BRD3OS: variants seen among roughly 807,000 people sequenced by gnomAD.
The protein encoded by BRD3OS is BRD3 opposite strand, also known as uncharacterized protein BRD3OS.
chr9:134,029,262 C>T lies in BRD3OS; in HGVS notation c.*2260C>T, dbSNP rs3739932. 12,228 of 152,258 alleles carry T rather than the reference C, an allele frequency of 0.08. 548 individuals carry two copies. The highest frequency in any genetic ancestry group is 0.11 in the African/African-American group (4,397 of 41,518). 9.4% of individuals were successfully genotyped at this position (152,258 alleles called of 1,614,324 possible). On this transcript the variant is annotated 3_prime_UTR_variant, in exon 3 of 3. Transcript: ENST00000603928. Reference sequence around the variant, plus strand: ...GAGGACGGGTTGTGGCGGGGTTGGCCCCAAGCATGGGAGGCAGCGCAGACA... The same window carrying T: ...GAGGACGGGTTGTGGCGGGGTTGGCTCCAAGCATGGGAGGCAGCGCAGACA...
Position 134,030,414 on chromosome 9 carries a change from T to G in BRD3OS, c.*3412T>G, listed in dbSNP as rs1459406684. 1 of 190,278 alleles carries G rather than the reference T, an allele frequency of 5.3e-6. No homozygotes were observed. The highest frequency in any genetic ancestry group is 2.3e-5 in the African/African-American group (1 of 42,754). 11.8% of individuals were successfully genotyped at this position (190,278 alleles called of 1,614,324 possible). A position where few individuals can be genotyped will look rare whatever the true frequency, so the allele number is the denominator to read the frequency against. ...AAAGAGTACTTTCTACCATTTTTATTCTGTTGTGTTGAGGCCAGCATTGCA... is the reference window on the plus strand; with the variant it reads ...AAAGAGTACTTTCTACCATTTTTATGCTGTTGTGTTGAGGCCAGCATTGCA... On this transcript the variant is annotated 3_prime_UTR_variant, in exon 3 of 3. Transcript: ENST00000603928.
rs60558736 is a variant in BRD3OS at position 134,030,304 on chromosome 9, C to CTTTTT, written c.*3319_*3323dup. 1 of 78,090 alleles carries CTTTTT rather than the reference C, an allele frequency of 1.3e-5. No homozygotes were observed. Among genetic ancestry groups the CTTTTT allele is most frequent in the Non-Finnish European group, 2.2e-5 (1 of 44,712 alleles). The allele number at this position is 78,090 out of a possible 1,614,324, so 4.8% of individuals were successfully genotyped here. On this transcript the variant is annotated 3_prime_UTR_variant, in exon 3 of 3. Transcript: ENST00000603928. The stretch of plus-strand genomic sequence containing the variant: ...GGAAAATGCAAAAAAAAAAAACAGT[C>CTTTTT]TTTTTTTTTTTTTTTTTTTTTGCTT...
chr9:134,026,658 C>CA lies in BRD3OS; in HGVS notation c.-87dup. ...AGTTAAACGAGGGATCCTTAAGCCC[C>CA]AAAGCTGGGAAAGCTGTCCGTTAAT... On this transcript the variant is annotated 5_prime_UTR_variant, in exon 3 of 3. The change abolishes the stop of an existing upstream ORF in the 5' untranslated region. Transcript: ENST00000603928. The surrounding 1 kb of genome is among the most constrained non-coding windows in gnomAD (Gnocchi z 4.4). 1 of 397,686 alleles carries CA rather than the reference C, an allele frequency of 2.5e-6. No individual in the cohort carries two copies. The highest frequency in any genetic ancestry group is 1.4e-4 in the South Asian group (1 of 7,070). 24.6% of individuals were successfully genotyped at this position (397,686 alleles called of 1,614,324 possible).
At position 134,028,080 on chromosome 9, in the gene BRD3OS, A is replaced by G. The variant is rs1243331484; in HGVS notation, c.*1078A>G. ...GTCAAAGCTAATTTTTCTTTTCTAAATAAACATCCTTTAATACACTCCTCC... is the reference window on the plus strand; with the variant it reads ...GTCAAAGCTAATTTTTCTTTTCTAAGTAAACATCCTTTAATACACTCCTCC... On this transcript the variant is annotated 3_prime_UTR_variant, in exon 3 of 3. Coordinates refer to ENST00000603928, the MANE Select transcript of BRD3OS (RefSeq NM_001355256.2). 6.6e-6 allele frequency: 1 copy of G among 152,238 alleles called. No individual in the cohort carries two copies. The highest frequency in any genetic ancestry group is 1.5e-5 in the Non-Finnish European group (1 of 68,056). The allele number at this position is 152,238 out of a possible 1,614,324, so 9.4% of individuals were successfully genotyped here.
chr9:134,028,891 G>C lies in BRD3OS; in HGVS notation c.*1889G>C, dbSNP rs561747363. Reference sequence around the variant, plus strand: ...CTGGGTCAAAGTGCATTCCCCAAATGTCCTGCCAGAGGCCTGGTCGGCAGC... The same window carrying C: ...CTGGGTCAAAGTGCATTCCCCAAATCTCCTGCCAGAGGCCTGGTCGGCAGC... On this transcript the variant is annotated 3_prime_UTR_variant, in exon 3 of 3. Coordinates refer to ENST00000603928, the MANE Select transcript of BRD3OS (RefSeq NM_001355256.2). 45 of 152,398 alleles carry C rather than the reference G, an allele frequency of 3.0e-4. No individual in the cohort carries two copies. Among genetic ancestry groups the C allele is most frequent in the African/African-American group, 1.1e-3 (44 of 41,602 alleles). 9.4% of individuals were successfully genotyped at this position (152,398 alleles called of 1,614,324 possible). A position where few individuals can be genotyped will look rare whatever the true frequency, so the allele number is the denominator to read the frequency against.
At position 134,026,758 on chromosome 9, in the gene BRD3OS, G is replaced by C. The variant is rs1312472250; in HGVS notation, c.11G>C (p.Arg4Pro). 2.5e-6 allele frequency: 1 copy of C among 398,704 alleles called. No homozygotes were observed. The highest frequency in any genetic ancestry group is 4.4e-6 in the Non-Finnish European group (1 of 226,090). 24.7% of individuals were successfully genotyped at this position (398,704 alleles called of 1,614,324 possible). Residue 4 changes from arginine (R) to proline (P), a missense_variant, in exon 3 of 3, where the codon CGT (arginine) becomes CCT (proline). Coordinates refer to ENST00000603928, the MANE Select transcript of BRD3OS (RefSeq NM_001355256.2). This position sits in a 1 kb window ranked among gnomAD's most constrained non-coding sequence, Gnocchi z 4.4. The part of the protein sequence containing the change: MSG[R>P]VPLAEKALSE... ...GGGACGGGGGAGGGGATGAGTGGCCGTGTCCCCCTGGCAGAGAAGGCCTTG... is the reference window on the plus strand; with the variant it reads ...GGGACGGGGGAGGGGATGAGTGGCCCTGTCCCCCTGGCAGAGAAGGCCTTG...
rs116598094 is a variant in BRD3OS, at chr9:134,031,231, C to T, written c.*4229C>T. On this transcript the variant is annotated 3_prime_UTR_variant, in exon 3 of 3. Coordinates refer to ENST00000603928, the MANE Select transcript of BRD3OS (RefSeq NM_001355256.2). ...AACCAGCCGAGAAGGAAAGGCCCCA[C>T]GATGCTCCTGCTGCGCTGCCCCCAC... The T allele has an allele frequency of 2.9e-3, 628 of 215,774 alleles. 5 individuals carry two copies. Among genetic ancestry groups the T allele is most frequent in the African/African-American group, 0.013 (590 of 44,404 alleles). The allele number at this position is 215,774 out of a possible 1,614,324, so 13.4% of individuals were successfully genotyped here. A position where few individuals can be genotyped will look rare whatever the true frequency, so the allele number is the denominator to read the frequency against.
rs1843442817 is a variant in BRD3OS at position 134,027,376 on chromosome 9, A to AGG, written c.*375_*376insGG. 5.9e-6 allele frequency: 1 copy of AGG among 168,452 alleles called. No individual in the cohort carries two copies. Among genetic ancestry groups the AGG allele is most frequent in the African/African-American group, 2.4e-5 (1 of 42,160 alleles). The allele number at this position is 168,452 out of a possible 1,614,324, so 10.4% of individuals were successfully genotyped here. ...CACCTTTTCAAGTTTTTTAGGTTTT[A>AGG]GTTTTTTGTTTTTAGCATAAATGGC... On this transcript the variant is annotated 3_prime_UTR_variant, in exon 3 of 3. Coordinates refer to ENST00000603928, the MANE Select transcript of BRD3OS (RefSeq NM_001355256.2).
Position 134,027,205 on chromosome 9 carries a change from A to T in BRD3OS, c.*203A>T. ...AGCCGCGGTGTGACTGGTGCACAGG[A>T]CACTTCCCCTCTAGAGTCCCCTCCG... On this transcript the variant is annotated 3_prime_UTR_variant, in exon 3 of 3. Coordinates refer to ENST00000603928, the MANE Select transcript of BRD3OS (RefSeq NM_001355256.2). The T allele has an allele frequency of 2.7e-6, 1 of 366,910 alleles. No individual in the cohort carries two copies. The highest frequency in any genetic ancestry group is 4.8e-6 in the Non-Finnish European group (1 of 206,716). The allele number at this position is 366,910 out of a possible 1,614,324, so 22.7% of individuals were successfully genotyped here. A position where few individuals can be genotyped will look rare whatever the true frequency, so the allele number is the denominator to read the frequency against.
rs1843455292 is a variant in BRD3OS, at chr9:134,028,147, C to G, written c.*1145C>G. 2.6e-5 allele frequency: 4 copies of G among 152,282 alleles called. No individual in the cohort carries two copies. Among genetic ancestry groups the G allele is most frequent in the Admixed American group, 2.6e-4 (4 of 15,292 alleles). 9.4% of individuals were successfully genotyped at this position (152,282 alleles called of 1,614,324 possible). A position where few individuals can be genotyped will look rare whatever the true frequency, so the allele number is the denominator to read the frequency against. On this transcript the variant is annotated 3_prime_UTR_variant, in exon 3 of 3. Coordinates refer to ENST00000603928, the MANE Select transcript of BRD3OS (RefSeq NM_001355256.2). Reference sequence around the variant, plus strand: ...TTTTATCCTTGTTCGTAATATCCTACTTGGCTTCCCATTTTTTATAGCAGT... The same window carrying G: ...TTTTATCCTTGTTCGTAATATCCTAGTTGGCTTCCCATTTTTTATAGCAGT...
rs1191396805 is a variant in BRD3OS, at chr9:134,029,256, G to A, written c.*2254G>A. 6.6e-6 allele frequency: 1 copy of A among 152,288 alleles called. No homozygotes were observed. Among genetic ancestry groups the A allele is most frequent in the Non-Finnish European group, 1.5e-5 (1 of 68,068 alleles). The allele number at this position is 152,288 out of a possible 1,614,324, so 9.4% of individuals were successfully genotyped here. On this transcript the variant is annotated 3_prime_UTR_variant, in exon 3 of 3. Transcript: ENST00000603928. Reference sequence around the variant, plus strand: ...TCCCCTGAGGACGGGTTGTGGCGGGGTTGGCCCCAAGCATGGGAGGCAGCG... The same window carrying A: ...TCCCCTGAGGACGGGTTGTGGCGGGATTGGCCCCAAGCATGGGAGGCAGCG...
rs1182088539 is a variant in BRD3OS at position 134,026,963 on chromosome 9, T to C, written c.216T>C (p.Ser72=). 7.5e-6 allele frequency: 3 copies of C among 398,836 alleles called. No homozygotes were observed. The highest frequency in any genetic ancestry group is 2.1e-5 in the African/African-American group (1 of 48,644). 24.7% of individuals were successfully genotyped at this position (398,836 alleles called of 1,614,324 possible). A position where few individuals can be genotyped will look rare whatever the true frequency, so the allele number is the denominator to read the frequency against. The part of the protein sequence containing the change: ...LVRDKNKLEV[S]RDTGQSKFCT... The stretch of plus-strand genomic sequence containing the variant: ...GAGACAAAAACAAGCTCGAGGTCTC[T>C]AGGGACACAGGGCAGTCCAAGTTTT... The change falls in exon 3 of 3, where the codon TCT becomes TCC. Residue 72 remains serine (S), a synonymous_variant. Transcript: ENST00000603928. The surrounding 1 kb of genome is among the most constrained non-coding windows in gnomAD (Gnocchi z 4.4).
In BRD3OS at chr9:134,028,719, C is replaced by G. The variant is rs1039646970; in HGVS notation, c.*1717C>G. 2.0e-5 allele frequency: 3 copies of G among 152,322 alleles called. No individual in the cohort carries two copies. The highest frequency in any genetic ancestry group is 7.2e-5 in the African/African-American group (3 of 41,466). The allele number at this position is 152,322 out of a possible 1,614,324, so 9.4% of individuals were successfully genotyped here. On this transcript the variant is annotated 3_prime_UTR_variant, in exon 3 of 3. Coordinates refer to ENST00000603928, the MANE Select transcript of BRD3OS (RefSeq NM_001355256.2). ...CATGCTTTTAACCTCTGACTCGCAG[C>G]TCTCCCGTGAGCCCACAGACGGGCA...
chr9:134,025,522 G>A lies in BRD3OS; in HGVS notation c.-801G>A, dbSNP rs1471087784. 3.3e-5 allele frequency: 5 copies of A among 152,062 alleles called. No homozygotes were observed. Among genetic ancestry groups the A allele is most frequent in the Admixed American group, 2.0e-4 (3 of 15,266 alleles). The allele number at this position is 152,062 out of a possible 1,614,324, so 9.4% of individuals were successfully genotyped here. ...GTCGCGCCGCTGCCCGCATCTCCGA[G>A]GCCCGCGACGAGCGGTGACTGGGGC... On this transcript the variant is annotated 5_prime_UTR_variant, in exon 1 of 3. Transcript: ENST00000603928.
At position 134,027,710 on chromosome 9, in the gene BRD3OS, C is replaced by T. The variant is rs185059949; in HGVS notation, c.*708C>T. 9.2e-5 allele frequency: 14 copies of T among 152,320 alleles called. No individual in the cohort carries two copies. The highest frequency in any genetic ancestry group is 1.0e-4 in the Non-Finnish European group (7 of 68,046). 9.4% of individuals were successfully genotyped at this position (152,320 alleles called of 1,614,324 possible). On this transcript the variant is annotated 3_prime_UTR_variant, in exon 3 of 3. Coordinates refer to ENST00000603928, the MANE Select transcript of BRD3OS (RefSeq NM_001355256.2). The stretch of plus-strand genomic sequence containing the variant: ...CAGGCATGGGTCACCGCACCAAGCC[C>T]GCATTTATATTTTGAGTTACCAAAA...
rs896019677 is a variant in BRD3OS, at chr9:134,025,490, G to T, written c.-833G>T. 2.0e-5 allele frequency: 3 copies of T among 151,980 alleles called. No individual in the cohort carries two copies. The highest frequency in any genetic ancestry group is 7.2e-5 in the African/African-American group (3 of 41,392). The allele number at this position is 151,980 out of a possible 1,614,324, so 9.4% of individuals were successfully genotyped here. On this transcript the variant is annotated 5_prime_UTR_variant, in exon 1 of 3. Transcript: ENST00000603928. ...CCGCCGGCCCCGCCCTGGGAGCCCC[G>T]CAGTGCGTCGCGCCGCTGCCCGCAT...
chr9:134,029,997 A>G lies in BRD3OS; in HGVS notation c.*2995A>G, dbSNP rs780449097. The G allele has an allele frequency of 2.0e-5, 3 of 152,196 alleles. No individual in the cohort carries two copies. Among genetic ancestry groups the G allele is most frequent in the East Asian group, 1.9e-4 (1 of 5,194 alleles). 9.4% of individuals were successfully genotyped at this position (152,196 alleles called of 1,614,324 possible). On this transcript the variant is annotated 3_prime_UTR_variant, in exon 3 of 3. Coordinates refer to ENST00000603928, the MANE Select transcript of BRD3OS (RefSeq NM_001355256.2). Reference sequence around the variant, plus strand: ...GTCCAGGCTGGAGTGCAGTGATGCAATCATGGCTTACTGCAGCCTCAAACT... The same window carrying G: ...GTCCAGGCTGGAGTGCAGTGATGCAGTCATGGCTTACTGCAGCCTCAAACT...
chr9:134,028,513 T>G lies in BRD3OS; in HGVS notation c.*1511T>G, dbSNP rs1023018673. 3 of 152,274 alleles carry G rather than the reference T, an allele frequency of 2.0e-5. No homozygotes were observed. Among genetic ancestry groups the G allele is most frequent in the Non-Finnish European group, 4.4e-5 (3 of 68,076 alleles). 9.4% of individuals were successfully genotyped at this position (152,274 alleles called of 1,614,324 possible). A position where few individuals can be genotyped will look rare whatever the true frequency, so the allele number is the denominator to read the frequency against. On this transcript the variant is annotated 3_prime_UTR_variant, in exon 3 of 3. Transcript: ENST00000603928. ...AGGCGATTCTCCTGCCTCAGCCTCCTGAGTAGCTGGAATTACAGGTGCCTG... is the reference window on the plus strand; with the variant it reads ...AGGCGATTCTCCTGCCTCAGCCTCCGGAGTAGCTGGAATTACAGGTGCCTG...
chr9:134,026,962 C>T lies in BRD3OS; in HGVS notation c.215C>T (p.Ser72Phe), dbSNP rs766057201. ...LVRDKNKLEVSRDTGQSKFCT... is the reference protein window; with the variant it reads ...LVRDKNKLEVFRDTGQSKFCT... ...CGAGACAAAAACAAGCTCGAGGTCT[C>T]TAGGGACACAGGGCAGTCCAAGTTT... The change falls in exon 3 of 3, where the codon TCT becomes TTT. Residue 72 changes from serine (S) to phenylalanine (F), a missense_variant. By Grantham distance (155) the Ser-to-Phe change is radical. Transcript: ENST00000603928. This position sits in a 1 kb window ranked among gnomAD's most constrained non-coding sequence, Gnocchi z 4.4. The T allele has an allele frequency of 2.5e-6, 1 of 398,934 alleles. No individual in the cohort carries two copies. The highest frequency in any genetic ancestry group is 3.6e-5 in the East Asian group (1 of 28,076). The allele number at this position is 398,934 out of a possible 1,614,324, so 24.7% of individuals were successfully genotyped here. A position where few individuals can be genotyped will look rare whatever the true frequency, so the allele number is the denominator to read the frequency against.
Sources: gnomAD v4.1 joint callset for allele counts on GRCh38, gnomAD v4.1.1 for gene constraint, Gnocchi (gnomAD v3.1) non-coding constraint, MANE v1.5 for transcripts, NCBI Gene and HGNC (gene_info 2026-07-23, HGNC 2026-07-21) for gene names.